The following SSH2 variants were observed in gnomAD, a reference collection of about 807,000 sequenced individuals.
SSH2 encodes slingshot protein phosphatase 2.
SSH2 carries 37 observed loss-of-function variants against 135.2 expected under a neutral mutation model. The ratio of observed to expected loss-of-function variants is 0.27; its 90% confidence interval spans 0.21 to 0.36. The LOEUF is 0.36. SSH2 is among the 10% of genes least tolerant of loss of function. The pLI, the probability that SSH2 is intolerant of heterozygous loss-of-function variation, is 1.00. For synonymous variants in SSH2, 628 were observed against 646.2 expected (o/e 0.97, Z 0.43); for missense variants, 1,408 against 1,765.3 (o/e 0.80, Z 3.63).
chr17:29,734,956 C>T (rs181349694), intron 3 of SSH2, among the ~76,000 whole-genome samples: 15 of 151,648 alleles, frequency 9.9e-5, no homozygotes, highest in Admixed American at 8.5e-4. Flanking sequence ...GTTCAAAGAG[C>T]TTAAAAAGAG....
chr17:29,842,806 T>C (rs1049159311), intron 2 of SSH2, among the ~76,000 whole-genome samples: 1 of 152,240 alleles, frequency 6.6e-6, no homozygotes, highest in African/African-American at 2.4e-5. Context: ...ACACTTTTTT[T>C]ATCTTTTTTC....
At chr17:29,728,259 A>C (rs980162589) in intron 3 of SSH2, among the ~76,000 whole-genome samples, 5 of 152,252 alleles carry the variant, frequency 3.3e-5, no homozygotes, top group African/African-American at 4.8e-5. Flanking sequence ...TCTATATGCC[A>C]ACAGCAAACA....
At chr17:29,638,198 A>C (rs1323103697) in intron 14 of SSH2, among the ~76,000 whole-genome samples, 1 of 152,060 alleles carries the variant, frequency 6.6e-6, no homozygotes, top group South Asian at 2.1e-4. Context: ...ACAACAACAA[A>C]AAAGGATTTA....
intron 3 of SSH2, among the ~76,000 whole-genome samples, chr17:29,779,388 T>C (rs746408596): frequency 8.5e-5 from 13 of 152,172 alleles, no homozygotes; most frequent in Non-Finnish European, 1.6e-4. Flanking sequence ...CTCTGTATGA[T>C]AGCAGAAATT....
At chr17:29,698,942 G>T (rs1598829201) in intron 4 of SSH2, among the ~76,000 whole-genome samples, 1 of 152,176 alleles carries the variant, frequency 6.6e-6, no homozygotes, top group Non-Finnish European at 1.5e-5. Context: ...CAAAGATTCA[G>T]CTGGCTTATT....
At chr17:29,851,580 C>T (rs536098541) in intron 1 of SSH2, among the ~76,000 whole-genome samples, 32 of 151,210 alleles carry the variant, frequency 2.1e-4, no homozygotes, top group Non-Finnish European at 4.0e-4. Flanking sequence ...GCAATAAGAG[C>T]GAAACGCCAT....
At chr17:29,720,696 C>G (rs1382783288) in intron 3 of SSH2, among the ~76,000 whole-genome samples, 1 of 151,660 alleles carries the variant, frequency 6.6e-6, no homozygotes, top group Admixed American at 6.6e-5. Flanking sequence ...GTGTTAGGTT[C>G]TGACACTTGC....
In SSH2 at chr17:29,806,913, A is replaced by G. The variant is rs998854568; in HGVS notation, c.145-12976T>C. Among the ~76,000 whole-genome samples the G allele has an allele frequency of 7.2e-5, 11 of 152,270 alleles. No individual in the cohort carries two copies. The East Asian group carries it at 2.1e-3, about 29-fold the overall frequency. ...AGCTATACCAATTGCTTAGCCTGGC[A>G]TCTGGGTTTAGCACCAGGCCTCTGC... On this transcript the variant is annotated intron_variant, in intron 2 of 15. Coordinates refer to ENST00000540801, the MANE Select transcript of SSH2 (RefSeq NM_001282129.2).
intron 1 of SSH2, among the ~76,000 whole-genome samples, chr17:29,875,487 T>A (rs1271002129): frequency 1.3e-5 from 2 of 152,092 alleles, no homozygotes; most frequent in Non-Finnish European, 2.9e-5. Context: ...TCTCCTATAG[T>A]CTCTTCTCCA....
At chr17:29,661,923 T>C (rs2037060959) in intron 11 of SSH2, among the ~76,000 whole-genome samples, 1 of 152,148 alleles carries the variant, frequency 6.6e-6, no homozygotes, top group African/African-American at 2.4e-5. Flanking sequence ...TGCTTCAGGT[T>C]CAGTTTGAAA....
At chr17:29,913,348 ATATAT>A (rs1441847535) in intron 1 of SSH2, among the ~76,000 whole-genome samples, 19 of 13,688 alleles carry the variant, frequency 1.4e-3, no homozygotes, top group South Asian at 5.9e-3. Flanking sequence ...AAAAAAAAAA[ATATAT>A]ATATATATAT....
At chr17:29,720,447 A>C (rs1598874227) in intron 3 of SSH2, among the ~76,000 whole-genome samples, 1 of 152,208 alleles carries the variant, frequency 6.6e-6, no homozygotes. Context: ...GACCTCTTAA[A>C]AGTTCCTCAA....
At chr17:29,693,348 G>T (rs2038572462) in intron 5 of SSH2, among the ~76,000 whole-genome samples, 1 of 151,872 alleles carries the variant, frequency 6.6e-6, no homozygotes, top group African/African-American at 2.4e-5. Flanking sequence ...ATCTTCTTCT[G>T]TCATCCAGGT....
intron 1 of SSH2, among the ~76,000 whole-genome samples, chr17:29,876,017 G>C (rs960667326): frequency 6.2e-5 from 9 of 145,224 alleles, no homozygotes; most frequent in African/African-American, 2.0e-4. Context: ...GATATTCCAT[G>C]TTCATGGATT....
chr17:29,822,349 A>G (rs904223651), intron 2 of SSH2, among the ~76,000 whole-genome samples: 1 of 152,088 alleles, frequency 6.6e-6, no homozygotes. Context: ...AAAACTTCGT[A>G]TGAGCCAGGG....
intron 2 of SSH2, among the ~76,000 whole-genome samples, chr17:29,826,693 G>GA (rs2042750595): frequency 6.6e-6 from 1 of 151,976 alleles, no homozygotes; most frequent in Admixed American, 6.6e-5. Context: ...TCAGAGTCCA[G>GA]AAAAAAATTA....
chr17:29,702,810 T>C, intron 4 of SSH2, 149 bp downstream of exon 4: 1 of 625,564 alleles, frequency 1.6e-6, no homozygotes, highest in Non-Finnish European at 2.8e-6. Context: ...AAAATTGGTC[T>C]GTGAGGGTAA....
chr17:29,701,369 G>A (rs1167657059), intron 4 of SSH2, among the ~76,000 whole-genome samples: 2 of 150,176 alleles, frequency 1.3e-5, no homozygotes, highest in East Asian at 2.0e-4. Flanking sequence ...GGCCTCCCGA[G>A]GTGCTGGGAT....
intron 9 of SSH2, 27 bp from the exon 10 acceptor site, chr17:29,667,250 C>T: frequency 7.3e-7 from 1 of 1,362,210 alleles, no homozygotes; most frequent in Non-Finnish European, 1.0e-6. Flanking sequence ...AACGATTATT[C>T]TTAAACGATA....
Sources: gnomAD v4.1 joint callset for allele counts (sites outside exome capture counted in the v4.1 genomes callset) on GRCh38, gnomAD v4.1.1 for gene constraint, MANE v1.5 for transcripts, NCBI Gene and HGNC (gene_info 2026-07-23, HGNC 2026-07-21) for gene names.